Variants in CUL2 observed in about 807,000 individuals in gnomAD.
CUL2 encodes cullin 2.
CUL2 carries 22 observed loss-of-function variants against 110.2 expected under a neutral mutation model. The observed-to-expected ratio is 0.20, with a 90% CI of 0.14 to 0.28. The LOEUF (loss-of-function observed/expected upper bound fraction) is 0.28. Ranked by LOEUF, CUL2 falls within the 10% of genes least tolerant of loss-of-function variation. The probability of loss-of-function intolerance (pLI) is 1.00; values close to 1 mark genes in which losing one functional copy is unlikely to be tolerated. For missense variants in CUL2, 631 were observed against 905.5 expected, an observed-to-expected ratio of 0.70 and a Z score of 3.89; for synonymous variants, 279 against 293.2, an observed-to-expected ratio of 0.95 and a Z score of 0.49.
chr10:35,016,052 T>G (rs573000045), intron 18 of CUL2, 140 bp downstream of exon 18: 3 of 677,366 alleles, frequency 4.4e-6, no homozygotes, highest in Non-Finnish European at 7.5e-6. Flanking sequence ...CGCAGCTCTA[T>G]GGAGCGTACA....
At position 35,071,435 on chromosome 10, in the gene CUL2, C is replaced by T. The variant is rs543252845; in HGVS notation, c.-22-96G>A. The T allele has an allele frequency of 1.7e-4, 185 of 1,090,994 alleles. 3 individuals are homozygous for T. In the East Asian group the frequency reaches 4.4e-3, roughly 26 times the overall value. The allele number at this position is 1,090,994 out of a possible 1,614,324, so 67.6% of individuals were successfully genotyped here. A position where few individuals can be genotyped will look rare whatever the true frequency, so the allele number is the denominator to read the frequency against. Reference sequence around the variant, plus strand: ...GTTTGTTTGCTTTGAGACGGAGTCTCGCTCTGTCGCCCAGGCTGGAGTGCA... The same window carrying T: ...GTTTGTTTGCTTTGAGACGGAGTCTTGCTCTGTCGCCCAGGCTGGAGTGCA... On this transcript the variant is annotated intron_variant, in intron 1 of 20. Coordinates refer to ENST00000374749, the MANE Select transcript of CUL2 (RefSeq NM_003591.4).
At chr10:35,040,786 C>G (rs1291452902) in intron 8 of CUL2, among the ~76,000 whole-genome samples, 2 of 152,172 alleles carry the variant, frequency 1.3e-5, no homozygotes, top group Non-Finnish European at 2.9e-5. Context: ...CACCTCAGAT[C>G]CTCAGGCATT....
chr10:35,103,308 A>ATTTTTTTTTTTTTTTT (rs67257350), intron 1 of CUL2, among the ~76,000 whole-genome samples: 23 of 94,544 alleles, frequency 2.4e-4, no homozygotes, highest in Non-Finnish European at 3.5e-4. Context: ...GGCCAAGCTA[A>ATTTTTTTTTTTTTTTT]TTTTTTTTTT....
chr10:35,088,499 C>CA (rs9299718), intron 1 of CUL2, among the ~76,000 whole-genome samples: 49,937 of 88,316 alleles, frequency 0.57, 14,304 homozygotes, highest in East Asian at 0.66. Flanking sequence ...GACTCCGCCT[C>CA]AAAAAAAAAA....
chr10:35,088,205 A>G (rs2087108132), intron 1 of CUL2, among the ~76,000 whole-genome samples: 1 of 152,148 alleles, frequency 6.6e-6, no homozygotes, highest in South Asian at 2.1e-4. Context: ...TGACACTCCA[A>G]GAGGATAGAA....
rs528163345 is a variant in CUL2 at position 35,031,773 on chromosome 10, T to G, written c.1171-154A>C. Among the ~76,000 whole-genome samples, 23 of 152,296 alleles carry G rather than the reference T, an allele frequency of 1.5e-4. No homozygotes were observed. The highest frequency in any genetic ancestry group is 2.8e-4 in the Non-Finnish European group (19 of 68,018). On this transcript the variant is annotated intron_variant, in intron 12 of 20. Transcript: ENST00000374749. This position sits in a 1 kb window ranked among gnomAD's most constrained non-coding sequence, Gnocchi z 4.4. ...GTCTTGCTCTGTTGCCAGGCTGGAT[T>G]GCAGTGGACAAGATCATAGCTCACT...
At chr10:35,110,880 T>G (rs1159896255) in intron 1 of CUL2, among the ~76,000 whole-genome samples, 3 of 152,198 alleles carry the variant, frequency 2.0e-5, no homozygotes, top group Non-Finnish European at 4.4e-5. Context: ...GGTTACATTC[T>G]GAGGTACTAG....
intron 1 of CUL2, among the ~76,000 whole-genome samples, chr10:35,089,244 TA>T (rs2135076427): frequency 6.6e-6 from 1 of 152,360 alleles, no homozygotes; most frequent in East Asian, 1.9e-4. Flanking sequence ...AGATACTGTA[TA>T]AGGGCAAAAG....
At position 35,008,684 on chromosome 10, in the gene CUL2, A is replaced by G. The variant is rs1051045886; in HGVS notation, c.*1627T>C. The G allele has an allele frequency of 6.6e-6, 1 of 152,216 alleles. No homozygotes were observed. The highest frequency in any genetic ancestry group is 2.4e-5 in the African/African-American group (1 of 41,454). 9.4% of individuals were successfully genotyped at this position (152,216 alleles called of 1,614,324 possible). On this transcript the variant is annotated 3_prime_UTR_variant, in exon 21 of 21. Transcript: ENST00000374749. ...AAAGGTAAAATGAGAAATACATTAT[A>G]TAAGTCATTATAAGTTCAGTAGATT...
rs201321176 is a variant in CUL2 at position 35,023,641 on chromosome 10, G to T, written c.1684+1491C>A. ...CTAAAATTACTTTAGGAGACACATT[G>T]ATTATTGCTGAAATAATGAGAATAA... On this transcript the variant is annotated intron_variant, in intron 17 of 20. Coordinates refer to ENST00000374749, the MANE Select transcript of CUL2 (RefSeq NM_003591.4). 5.3e-5 allele frequency among the ~76,000 whole-genome samples: 8 copies of T among 152,112 alleles called. No individual in the cohort carries two copies. In the East Asian group the frequency reaches 1.5e-3, roughly 29 times the overall value.
chr10:35,063,754 T>C (rs1181477721), intron 2 of CUL2: 1 of 151,708 alleles, frequency 6.6e-6, no homozygotes, highest in Non-Finnish European at 1.5e-5. Context: ...ATTTCCTTTT[T>C]TTTTTTTTTT....
intron 20 of CUL2, among the ~76,000 whole-genome samples, chr10:35,011,545 G>A (rs1247903233): frequency 1.3e-5 from 2 of 152,134 alleles, no homozygotes; most frequent in African/African-American, 4.8e-5. Context: ...TTGAACCTGG[G>A]AGGCAGAGGT....
Position 35,010,130 on chromosome 10 carries a change from T to G in CUL2, c.*181A>C. ...AAGAAATGTCATAATGACATGAGCTTGAAATATCTCTAGGCATTTTCTTTG... is the reference window on the plus strand; with the variant it reads ...AAGAAATGTCATAATGACATGAGCTGGAAATATCTCTAGGCATTTTCTTTG... On this transcript the variant is annotated 3_prime_UTR_variant, in exon 21 of 21. Transcript: ENST00000374749. 1 of 408,156 alleles carries G rather than the reference T, an allele frequency of 2.5e-6. No individual in the cohort carries two copies. The highest frequency in any genetic ancestry group is 4.1e-6 in the Non-Finnish European group (1 of 243,652). 25.3% of individuals were successfully genotyped at this position (408,156 alleles called of 1,614,324 possible). A position where few individuals can be genotyped will look rare whatever the true frequency, so the allele number is the denominator to read the frequency against.
chr10:35,100,488 G>A (rs970518324), intron 2 of CUL2, among the ~76,000 whole-genome samples: 8 of 151,982 alleles, frequency 5.3e-5, no homozygotes, highest in African/African-American at 1.2e-4. Context: ...CAGGCCAGGC[G>A]TGGTGGCTCA....
At chr10:35,018,152 T>C (rs972657557) in intron 17 of CUL2, among the ~76,000 whole-genome samples, 4 of 149,426 alleles carry the variant, frequency 2.7e-5, no homozygotes, top group Non-Finnish European at 4.4e-5. Context: ...CAGGGCGCAG[T>C]GGCGGACACC....
rs1220514531 is a variant in CUL2, at chr10:35,021,040, C to T, written c.1684+4092G>A. On this transcript the variant is annotated intron_variant, in intron 17 of 20. Transcript: ENST00000374749. The stretch of plus-strand genomic sequence containing the variant: ...CTTGAACTCCTGGGCTCAAGTGATA[C>T]TCCTGCCTCAGCCTCCCACAGTGCT... 2.0e-5 allele frequency among the ~76,000 whole-genome samples: 3 copies of T among 147,584 alleles called. No individual in the cohort carries two copies. The Admixed American group carries it at 2.0e-4, about 10-fold the overall frequency.
chr10:35,052,437 C>T (rs1281523319), intron 5 of CUL2, among the ~76,000 whole-genome samples: 1 of 152,144 alleles, frequency 6.6e-6, no homozygotes, highest in East Asian at 1.9e-4. Flanking sequence ...AAAAGTTCTG[C>T]TCATGTACCA....
chr10:35,013,472 G>A (rs962022413), intron 19 of CUL2, among the ~76,000 whole-genome samples: 2 of 152,056 alleles, frequency 1.3e-5, no homozygotes, highest in African/African-American at 2.4e-5. Context: ...AATGGTTTAA[G>A]AGCAAATACA....
chr10:35,018,066 G>A (rs549309097), intron 17 of CUL2, among the ~76,000 whole-genome samples: 8 of 150,144 alleles, frequency 5.3e-5, no homozygotes, highest in Admixed American at 1.3e-4. Flanking sequence ...GGAGGCAGGC[G>A]GATCACGAGG....
Sources: allele counts gnomAD v4.1 joint callset (sites outside exome capture counted in the v4.1 genomes callset), GRCh38; gene constraint gnomAD v4.1.1; non-coding constraint Gnocchi (gnomAD v3.1); transcripts MANE v1.5; gene names NCBI Gene and HGNC (gene_info 2026-07-23, HGNC 2026-07-21).